ERBB4: variants seen among roughly 807,000 people sequenced by gnomAD.
ERBB4 encodes the protein receptor tyrosine-protein kinase erbB-4.
A neutral mutation model predicts 158.0 loss-of-function variants in ERBB4; 42 were observed. The observed-to-expected ratio is 0.27, with a 90% CI of 0.21 to 0.34. The LOEUF is 0.34. ERBB4 is among the 10% of genes least tolerant of loss of function. The pLI is 1.00. For missense variants in ERBB4, 1,333 were observed against 1,624.1 expected (o/e 0.82, Z 3.08); for synonymous variants, 583 against 558.7 (o/e 1.04, Z -0.61).
At chr2:212,350,219 T>G (rs1560086396) in intron 1 of ERBB4, among the ~76,000 whole-genome samples, 1 of 152,138 alleles carries the variant, frequency 6.6e-6, no homozygotes, top group Non-Finnish European at 1.5e-5. Context: ...TGATATATTC[T>G]TTATGTGGTA....
At chr2:212,046,929 G>T (rs1202377409) in intron 2 of ERBB4, among the ~76,000 whole-genome samples, 1 of 152,040 alleles carries the variant, frequency 6.6e-6, no homozygotes, top group African/African-American at 2.4e-5. Context: ...ATCTACCTTG[G>T]ATATACTGAT....
intron 24 of ERBB4, 109 bp from the exon 25 acceptor site, chr2:211,420,720 T>A: frequency 1.0e-6 from 1 of 976,830 alleles, no homozygotes; most frequent in Non-Finnish European, 1.6e-6. Context: ...GAAAAATTCA[T>A]ACACACATTT....
chr2:211,513,465 TTTTG>T (rs2065940572), intron 20 of ERBB4, among the ~76,000 whole-genome samples: 1 of 152,044 alleles, frequency 6.6e-6, no homozygotes, highest in East Asian at 1.9e-4. Context: ...ATCCTAGACC[TTTTG>T]TTTAAGAATT....
intron 1 of ERBB4, among the ~76,000 whole-genome samples, chr2:212,499,633 A>C (rs1177649071): frequency 1.3e-5 from 2 of 152,128 alleles, no homozygotes; most frequent in Non-Finnish European, 2.9e-5. Flanking sequence ...AAGATGACTG[A>C]CAGAAAGAGG....
intron 2 of ERBB4, among the ~76,000 whole-genome samples, chr2:212,116,591 G>T (rs1035027009): frequency 6.6e-6 from 1 of 152,104 alleles, no homozygotes; most frequent in African/African-American, 2.4e-5. Context: ...GGGATTACAG[G>T]CATGTGCCGC....
chr2:212,402,083 T>C (rs1436913224), intron 1 of ERBB4, among the ~76,000 whole-genome samples: 1 of 152,126 alleles, frequency 6.6e-6, no homozygotes, highest in Non-Finnish European at 1.5e-5. Flanking sequence ...GCAACTTTAT[T>C]TGTAATAGTC....
rs2078516921 is a variant in ERBB4, at chr2:212,083,757, A to AT, written c.234+40994dup. 2.6e-5 allele frequency among the ~76,000 whole-genome samples: 4 copies of AT among 151,890 alleles called. No homozygotes were observed. In the East Asian group the frequency reaches 7.7e-4, roughly 29 times the overall value. Reference sequence around the variant, plus strand: ...TTAAAATATTTATCTCCAGATTTTAATTCATGTCTAAATCTCAGCAGATCT... The same window carrying AT: ...TTAAAATATTTATCTCCAGATTTTAATTTCATGTCTAAATCTCAGCAGATCT... On this transcript the variant is annotated intron_variant, in intron 2 of 27. Coordinates refer to ENST00000342788, the MANE Select transcript of ERBB4 (RefSeq NM_005235.3).
chr2:211,604,891 A>G (rs1158379894), intron 19 of ERBB4, among the ~76,000 whole-genome samples: 6 of 152,190 alleles, frequency 3.9e-5, no homozygotes, highest in East Asian at 1.9e-4. Context: ...AAATCGAAAC[A>G]TCTTGTATCT....
intron 1 of ERBB4, among the ~76,000 whole-genome samples, chr2:212,262,365 T>A (rs1274088757): frequency 6.6e-6 from 1 of 152,092 alleles, no homozygotes; most frequent in African/African-American, 2.4e-5. Context: ...TCCTCCATTA[T>A]CCACATATAT....
At chr2:212,150,627 G>A (rs568036648) in intron 1 of ERBB4, among the ~76,000 whole-genome samples, 1 of 152,188 alleles carries the variant, frequency 6.6e-6, no homozygotes, top group East Asian at 1.9e-4. Flanking sequence ...AAGAAACAGT[G>A]TGCTGAGGAA....
chr2:211,780,552 G>T (rs1487919572), intron 4 of ERBB4, among the ~76,000 whole-genome samples: 1 of 147,088 alleles, frequency 6.8e-6, no homozygotes, highest in Non-Finnish European at 1.5e-5. Flanking sequence ...CAGTTGACCT[G>T]GAAAGCCTCT....
At chr2:212,027,308 T>G (rs2076796540) in intron 2 of ERBB4, among the ~76,000 whole-genome samples, 4 of 152,076 alleles carry the variant, frequency 2.6e-5, no homozygotes, top group Admixed American at 2.6e-4. Context: ...AATAACAGTC[T>G]GAATATTTCC....
intron 3 of ERBB4, among the ~76,000 whole-genome samples, chr2:211,820,985 A>G (rs1204247070): frequency 1.3e-5 from 2 of 151,828 alleles, no homozygotes; most frequent in African/African-American, 2.4e-5. Context: ...TAAGAACTCA[A>G]ATAAAACAAG....
intron 1 of ERBB4, among the ~76,000 whole-genome samples, chr2:212,514,084 A>G (rs1691685672): frequency 6.6e-6 from 1 of 152,190 alleles, no homozygotes; most frequent in Non-Finnish European, 1.5e-5. Context: ...AAGACATGAT[A>G]GCATTTTGTT....
chr2:211,875,065 A>G (rs1008824822), intron 3 of ERBB4, among the ~76,000 whole-genome samples: 1 of 147,760 alleles, frequency 6.8e-6, no homozygotes, highest in Non-Finnish European at 1.5e-5. Context: ...CTCAAATAAA[A>G]TGCTTTTAAT....
At chr2:212,220,033 C>G (rs111657978) in intron 1 of ERBB4, among the ~76,000 whole-genome samples, 12 of 149,978 alleles carry the variant, frequency 8.0e-5, no homozygotes, top group African/African-American at 2.7e-4. Context: ...AAGTAAAAAG[C>G]CTATTTCAAC....
At chr2:211,596,903 T>G (rs2068649785) in intron 19 of ERBB4, among the ~76,000 whole-genome samples, 1 of 152,134 alleles carries the variant, frequency 6.6e-6, no homozygotes, top group South Asian at 2.1e-4. Flanking sequence ...TAGCTGGAAT[T>G]ACACGTGCCT....
At position 212,070,932 on chromosome 2, in the gene ERBB4, ATTC is replaced by A. The variant is rs1386780754; in HGVS notation, c.234+53817_234+53819del. Among the ~76,000 whole-genome samples the A allele has an allele frequency of 2.0e-5, 3 of 151,832 alleles. 1 individual carries two copies. The highest frequency in any genetic ancestry group is 1.5e-5 in the Non-Finnish European group (1 of 67,896). On this transcript the variant is annotated intron_variant, in intron 2 of 27. Coordinates refer to ENST00000342788, the MANE Select transcript of ERBB4 (RefSeq NM_005235.3). ...TCTCTAACGGGAACACATTATTTTC[ATTC>A]TTATTATGTTTTAAAATTTTGTTTT... is the stretch of plus-strand genomic sequence containing the variant.
chr2:211,827,449 T>C (rs1448447428), intron 3 of ERBB4, among the ~76,000 whole-genome samples: 1 of 152,116 alleles, frequency 6.6e-6, no homozygotes, highest in Non-Finnish European at 1.5e-5. Context: ...TATGTTTGTG[T>C]ATTTAGTTTG....
Sources: allele counts gnomAD v4.1 joint callset (sites outside exome capture counted in the v4.1 genomes callset), GRCh38; gene constraint gnomAD v4.1.1; transcripts MANE v1.5; gene names NCBI Gene and HGNC (gene_info 2026-07-23, HGNC 2026-07-21).